The following SNTG1 variants were observed in gnomAD, a reference collection of about 807,000 sequenced individuals.
SNTG1 encodes syntrophin gamma 1, also known as gamma-1-syntrophin.
A neutral mutation model predicts 74.7 loss-of-function variants in SNTG1; 39 were observed. That is an observed-to-expected ratio of 0.52 (90% confidence interval 0.40 to 0.68). The LOEUF is 0.68. Among genes scored for constraint, SNTG1 ranks in the 30% least tolerant of loss-of-function variants. SNTG1 has a pLI of 0.00. For missense variants in SNTG1, 685 were observed against 609.5 expected, an observed-to-expected ratio of 1.12 and a Z score of -1.30; for synonymous variants, 254 against 217.1, an observed-to-expected ratio of 1.17 and a Z score of -1.49.
chr8:49,939,734 G>A (rs1808511916), intron 1 of SNTG1, among the ~76,000 whole-genome samples: 1 of 152,034 alleles, frequency 6.6e-6, no homozygotes, highest in Non-Finnish European at 1.5e-5. Flanking sequence ...TGAACAACTT[G>A]TTCTCTGTGG....
At chr8:50,359,136 C>G (rs2091893657) in intron 2 of SNTG1, among the ~76,000 whole-genome samples, 1 of 152,168 alleles carries the variant, frequency 6.6e-6, no homozygotes, top group South Asian at 2.1e-4. Context: ...TCAACCAGTT[C>G]TTTCCTTAGG....
At chr8:50,230,573 A>G (rs530595095) in intron 2 of SNTG1, among the ~76,000 whole-genome samples, 11 of 151,442 alleles carry the variant, frequency 7.3e-5, no homozygotes, top group Non-Finnish European at 1.5e-4. Context: ...AAAACTTCTC[A>G]AAAAAGCAAT....
intron 17 of SNTG1, among the ~76,000 whole-genome samples, chr8:50,724,233 T>C (rs2095494666): frequency 6.6e-6 from 1 of 152,154 alleles, no homozygotes; most frequent in South Asian, 2.1e-4. Context: ...ACAGATATAA[T>C]ATAGATAATC....
At chr8:50,194,863 G>T (rs1049976626) in intron 2 of SNTG1, among the ~76,000 whole-genome samples, 2 of 152,108 alleles carry the variant, frequency 1.3e-5, no homozygotes, top group Admixed American at 6.5e-5. Flanking sequence ...TTGATAGATT[G>T]TGTCATTATT....
chr8:50,792,666 T>C lies in SNTG1; in HGVS notation c.1396-5T>C. The C allele has an allele frequency of 6.2e-7, 1 of 1,604,854 alleles. No homozygotes were observed. Among genetic ancestry groups the C allele is most frequent in the Non-Finnish European group, 8.5e-7 (1 of 1,175,284 alleles). ...TTATCTGACCTGTTTCTCTTTCCCTTTCAGGAGTTGGAATTTTCTAATTTA... is the reference window on the plus strand; with the variant it reads ...TTATCTGACCTGTTTCTCTTTCCCTCTCAGGAGTTGGAATTTTCTAATTTA... On this transcript the variant is annotated splice_region_variant and splice_polypyrimidine_tract_variant and intron_variant, in intron 18 of 18. Coordinates refer to ENST00000642720, the MANE Select transcript of SNTG1 (RefSeq NM_018967.5).
At position 50,110,695 on chromosome 8, in the gene SNTG1, C is replaced by T. The variant is rs74828836; in HGVS notation, c.-102-61866C>T. ...TTTTTTGGTAAATATATTTAGTACA[C>T]ATTGTAACATTTTCTGGTCACACTG... On this transcript the variant is annotated intron_variant, in intron 1 of 18. Coordinates refer to ENST00000642720, the MANE Select transcript of SNTG1 (RefSeq NM_018967.5). Among the ~76,000 whole-genome samples, 1,020 of 152,212 alleles carry T rather than the reference C, an allele frequency of 6.7e-3. 14 individuals carry two copies. The highest frequency in any genetic ancestry group is 0.023 in the African/African-American group (951 of 41,538).
In SNTG1 at chr8:50,602,793, G is replaced by T. The variant is rs1843004; in HGVS notation, c.849+11876G>T. Among the ~76,000 whole-genome samples, 838 of 151,984 alleles carry T rather than the reference G, an allele frequency of 5.5e-3. 14 individuals are homozygous for T. Among genetic ancestry groups the T allele is most frequent in the African/African-American group, 0.019 (800 of 41,452 alleles). Reference sequence around the variant, plus strand: ...CTGGATATACTATTCTAATGTAATAGTTATTTTCCTTCATCGCTTTAAACA... The same window carrying T: ...CTGGATATACTATTCTAATGTAATATTTATTTTCCTTCATCGCTTTAAACA... On this transcript the variant is annotated intron_variant, in intron 13 of 18. Coordinates refer to ENST00000642720, the MANE Select transcript of SNTG1 (RefSeq NM_018967.5).
intron 13 of SNTG1, among the ~76,000 whole-genome samples, chr8:50,652,632 A>G (rs2095154547): frequency 6.6e-6 from 1 of 152,104 alleles, no homozygotes; most frequent in East Asian, 1.9e-4. Flanking sequence ...ACCCGCCTCT[A>G]GTAAAAATAT....
intron 9 of SNTG1, among the ~76,000 whole-genome samples, chr8:50,508,390 T>C (rs1300832819): frequency 1.3e-5 from 2 of 152,210 alleles, no homozygotes; most frequent in East Asian, 1.9e-4. Flanking sequence ...TACGTGTGCA[T>C]GTGTCTTTAT....
chr8:50,467,173 G>A (rs1421807971), intron 8 of SNTG1, among the ~76,000 whole-genome samples: 1 of 151,826 alleles, frequency 6.6e-6, no homozygotes, highest in Non-Finnish European at 1.5e-5. Flanking sequence ...GGTTAATTAT[G>A]TTATCACAGA....
chr8:50,595,471 T>C (rs996715634), intron 13 of SNTG1, among the ~76,000 whole-genome samples: 1 of 152,054 alleles, frequency 6.6e-6, no homozygotes, highest in Non-Finnish European at 1.5e-5. Context: ...ATTTATGTAT[T>C]ACAGTTAAAA....
At chr8:50,136,950 T>C (rs2081494492) in intron 1 of SNTG1, among the ~76,000 whole-genome samples, 2 of 152,028 alleles carry the variant, frequency 1.3e-5, no homozygotes, top group South Asian at 4.1e-4. Flanking sequence ...ACAGTAGGTT[T>C]TCATCAAGCA....
At chr8:50,485,077 A>G (rs1308638755) in intron 8 of SNTG1, among the ~76,000 whole-genome samples, 1 of 152,122 alleles carries the variant, frequency 6.6e-6, no homozygotes, top group Non-Finnish European at 1.5e-5. Context: ...CTCAGTAAAC[A>G]TGTGATTACA....
intron 1 of SNTG1, among the ~76,000 whole-genome samples, chr8:50,063,586 CT>C (rs1476261789): frequency 2.0e-5 from 3 of 152,196 alleles, no homozygotes; most frequent in Non-Finnish European, 4.4e-5. Context: ...GTCATCTCTT[CT>C]TTTGTCCCTA....
intron 1 of SNTG1, among the ~76,000 whole-genome samples, chr8:50,136,344 G>C (rs1376878988): frequency 6.6e-6 from 1 of 152,130 alleles, no homozygotes; most frequent in African/African-American, 2.4e-5. Context: ...GCTTTCCATG[G>C]TGGATGAATT....
chr8:50,096,881 GA>G (rs920668687), intron 1 of SNTG1, among the ~76,000 whole-genome samples: 9 of 152,024 alleles, frequency 5.9e-5, no homozygotes, highest in African/African-American at 1.7e-4. Context: ...ATCTGAGTAT[GA>G]AAAAAATAGT....
intron 2 of SNTG1, among the ~76,000 whole-genome samples, chr8:50,305,605 G>A (rs2089858062): frequency 1.3e-5 from 2 of 148,272 alleles, no homozygotes; most frequent in South Asian, 4.3e-4. Context: ...TTTTTACTTT[G>A]TTTTTGTATT....
chr8:50,222,193 G>A (rs2085104392), intron 2 of SNTG1, among the ~76,000 whole-genome samples: 1 of 152,140 alleles, frequency 6.6e-6, no homozygotes, highest in Admixed American at 6.5e-5. Context: ...GTGACCTCTG[G>A]AATAATGGCT....
intron 13 of SNTG1, among the ~76,000 whole-genome samples, chr8:50,649,350 T>C (rs1162991135): frequency 6.6e-6 from 1 of 152,060 alleles, no homozygotes; most frequent in Non-Finnish European, 1.5e-5. Context: ...ATACAAAAAA[T>C]TAGCCGGACG....
Sources: allele counts gnomAD v4.1 joint callset (sites outside exome capture counted in the v4.1 genomes callset), GRCh38; gene constraint gnomAD v4.1.1; transcripts MANE v1.5; gene names NCBI Gene and HGNC (gene_info 2026-07-23, HGNC 2026-07-21).